Variants in RABGAP1L observed in about 807,000 individuals in gnomAD.
The protein encoded by RABGAP1L is RAB GTPase activating protein 1 like, also known as rab GTPase-activating protein 1-like.
In RABGAP1L, 63 loss-of-function variants were observed where a neutral mutation model predicts 137.7. The observed-to-expected ratio is 0.46, with a 90% CI of 0.37 to 0.56. The LOEUF is 0.56. Among genes scored for constraint, RABGAP1L ranks in the 20% least tolerant of loss-of-function variants. The pLI is 0.00. For synonymous variants in RABGAP1L, 431 were observed against 433.7 expected (o/e 0.99, Z 0.08); for missense variants, 1,095 against 1,244.0 (o/e 0.88, Z 1.80).
rs1491307292 is a variant in RABGAP1L, at chr1:174,172,175, CTT to C, written c.-34+12519_-34+12520del. Reference sequence around the variant, plus strand: ...TTTTTTTAAGGCTGAATAATATTCCCTTGTGTGTGTGTGTGTGTGTGTGTGTG... The same window carrying C: ...TTTTTTTAAGGCTGAATAATATTCCCGTGTGTGTGTGTGTGTGTGTGTGTG... On this transcript the variant is annotated intron_variant, in intron 1 of 25. Coordinates refer to ENST00000681986, the MANE Select transcript of RABGAP1L (RefSeq NM_001366446.1). Among the ~76,000 whole-genome samples the C allele has an allele frequency of 1.1e-4, 10 of 91,176 alleles. No individual in the cohort carries two copies. The East Asian group carries it at 1.2e-3, about 11-fold the overall frequency. 59.8% of individuals were successfully genotyped at this position (91,176 alleles called of 152,430 possible). A position where few individuals can be genotyped will look rare whatever the true frequency, so the allele number is the denominator to read the frequency against.
chr1:174,944,214 T>C (rs2149301633), intron 19 of RABGAP1L, among the ~76,000 whole-genome samples: 1 of 149,134 alleles, frequency 6.7e-6, no homozygotes, highest in South Asian at 2.1e-4. Flanking sequence ...GAGGTGGAGC[T>C]TGCAGTGAGC....
At chr1:174,633,693 T>C (rs897252878) in intron 13 of RABGAP1L, among the ~76,000 whole-genome samples, 3 of 127,180 alleles carry the variant, frequency 2.4e-5, no homozygotes, top group Non-Finnish European at 4.8e-5. Flanking sequence ...GAGATATAGA[T>C]CAATGGAACA....
intron 14 of RABGAP1L, among the ~76,000 whole-genome samples, chr1:174,666,603 T>A (rs1275349498): frequency 6.6e-6 from 1 of 152,216 alleles, no homozygotes; most frequent in Admixed American, 6.5e-5. Flanking sequence ...GGCAGCCTCT[T>A]TATCTTGTTA....
intron 11 of RABGAP1L, among the ~76,000 whole-genome samples, chr1:174,351,257 T>A (rs1052889503): frequency 3.9e-5 from 6 of 152,244 alleles, no homozygotes; most frequent in African/African-American, 1.4e-4. Context: ...TACTTACTAT[T>A]ACTAGTGAGT....
intron 13 of RABGAP1L, among the ~76,000 whole-genome samples, chr1:174,636,035 G>A (rs1673995399): frequency 3.3e-5 from 5 of 152,290 alleles, no homozygotes; most frequent in Admixed American, 3.3e-4. Context: ...GTAGTCTGAT[G>A]TGAATTGTAC....
chr1:174,386,699 G>A (rs1384369194), intron 12 of RABGAP1L, among the ~76,000 whole-genome samples: 1 of 151,976 alleles, frequency 6.6e-6, no homozygotes, highest in Non-Finnish European at 1.5e-5. Flanking sequence ...AGTAGAGACG[G>A]AGTTTCACCA....
chr1:174,527,120 A>T (rs1663941627), intron 13 of RABGAP1L, among the ~76,000 whole-genome samples: 1 of 151,892 alleles, frequency 6.6e-6, no homozygotes, highest in Non-Finnish European at 1.5e-5. Context: ...AACATCCCTG[A>T]ATCTATGGCT....
At chr1:174,422,249 G>C (rs1046161270) in intron 13 of RABGAP1L, among the ~76,000 whole-genome samples, 3 of 151,488 alleles carry the variant, frequency 2.0e-5, no homozygotes, top group African/African-American at 4.9e-5. Flanking sequence ...CTGATTCTGT[G>C]GTTTCTTCTA....
At chr1:174,390,608 G>A (rs1459272831) in intron 12 of RABGAP1L, among the ~76,000 whole-genome samples, 1 of 152,174 alleles carries the variant, frequency 6.6e-6, no homozygotes. Context: ...ATATGTTATA[G>A]TAGGTCCAGT....
intron 19 of RABGAP1L, among the ~76,000 whole-genome samples, chr1:174,904,508 GCAGA>G (rs1251620035): frequency 6.6e-6 from 1 of 152,182 alleles, no homozygotes; most frequent in East Asian, 1.9e-4. Flanking sequence ...CCAAGGACAG[GCAGA>G]CAAAGGGGAG....
chr1:174,912,297 A>G (rs539884415), intron 19 of RABGAP1L, among the ~76,000 whole-genome samples: 2 of 152,194 alleles, frequency 1.3e-5, no homozygotes, highest in East Asian at 1.9e-4. Context: ...GCATGCCACC[A>G]TGCCCAGCTA....
At chr1:174,643,698 A>C (rs1025606484) in intron 14 of RABGAP1L, among the ~76,000 whole-genome samples, 1 of 152,066 alleles carries the variant, frequency 6.6e-6, no homozygotes, top group African/African-American at 2.4e-5. Flanking sequence ...GAAGGTACCA[A>C]ATTTGCATAC....
chr1:174,224,376 A>T (rs1192312440), intron 3 of RABGAP1L, among the ~76,000 whole-genome samples: 1 of 152,142 alleles, frequency 6.6e-6, no homozygotes, highest in Non-Finnish European at 1.5e-5. Flanking sequence ...GAATCTGGGC[A>T]GGAGAATGGC....
At chr1:174,357,967 T>G (rs939171538) in intron 11 of RABGAP1L, among the ~76,000 whole-genome samples, 6 of 152,240 alleles carry the variant, frequency 3.9e-5, no homozygotes, top group South Asian at 2.1e-4. Context: ...AGATAAGTAC[T>G]GTTATCGTCC....
chr1:174,586,311 A>T (rs1669109156), intron 13 of RABGAP1L, among the ~76,000 whole-genome samples: 1 of 138,218 alleles, frequency 7.2e-6, no homozygotes, highest in African/African-American at 2.5e-5. Context: ...AAAACCAAAC[A>T]CCTCGTGTTG....
chr1:174,919,606 T>C (rs911999975), intron 19 of RABGAP1L, among the ~76,000 whole-genome samples: 2 of 152,150 alleles, frequency 1.3e-5, no homozygotes, highest in Admixed American at 6.5e-5. Context: ...GTAATCTCAG[T>C]ACTTTGGGAG....
rs1672104605 is a variant in RABGAP1L at position 174,992,176 on chromosome 1, C to CA, written c.*2176dup. 1 of 152,224 alleles carries CA rather than the reference C, an allele frequency of 6.6e-6. No homozygotes were observed. Among genetic ancestry groups the CA allele is most frequent in the African/African-American group, 2.4e-5 (1 of 41,440 alleles). 9.4% of individuals were successfully genotyped at this position (152,224 alleles called of 1,614,324 possible). On this transcript the variant is annotated 3_prime_UTR_variant, in exon 26 of 26. Transcript: ENST00000681986. ...CCCCCTGGCCAGGCATGGTGGCTCACATCTGTAATCCCAGCACTTTGGGAG... is the reference window on the plus strand; with the variant it reads ...CCCCCTGGCCAGGCATGGTGGCTCACAATCTGTAATCCCAGCACTTTGGGAG...
At chr1:174,678,917 T>C (rs368434525) in intron 14 of RABGAP1L, among the ~76,000 whole-genome samples, 3 of 152,092 alleles carry the variant, frequency 2.0e-5, no homozygotes, top group Non-Finnish European at 4.4e-5. Context: ...AAGTCAGCAG[T>C]GGGTGTGCGA....
At chr1:174,747,766 C>A (rs1684001117) in intron 17 of RABGAP1L, among the ~76,000 whole-genome samples, 1 of 152,040 alleles carries the variant, frequency 6.6e-6, no homozygotes, top group Non-Finnish European at 1.5e-5. Context: ...ATTCATCAAT[C>A]CTGCTGGATT....
Sources: allele counts gnomAD v4.1 joint callset (sites outside exome capture counted in the v4.1 genomes callset), GRCh38; gene constraint gnomAD v4.1.1; transcripts MANE v1.5; gene names NCBI Gene and HGNC (gene_info 2026-07-23, HGNC 2026-07-21).